The following ZC3H18 variants were observed in gnomAD, a reference collection of about 807,000 sequenced individuals.
The protein encoded by ZC3H18 is zinc finger CCCH-type containing 18.
In ZC3H18, 8 loss-of-function variants were observed where a neutral mutation model predicts 106.1. The observed-to-expected ratio is 0.08, with a 90% CI of 0.04 to 0.14. ZC3H18 has a LOEUF of 0.14. ZC3H18 is among the 10% of genes least tolerant of loss of function. ZC3H18 has a pLI of 1.00. For missense variants in ZC3H18, 1,318 were observed against 1,278.4 expected (o/e 1.03, Z -0.47); for synonymous variants, 635 against 522.1 (o/e 1.22, Z -2.95).
Position 88,624,671 on chromosome 16 carries a change from C to T in ZC3H18, c.1968C>T (p.Val656=), listed in dbSNP as rs540178633. The T allele has an allele frequency of 1.5e-5, 24 of 1,613,966 alleles. No individual in the cohort carries two copies. The highest frequency in any genetic ancestry group is 2.2e-5 in the East Asian group (1 of 44,870). Residue 656 remains valine (V), a synonymous_variant, in exon 12 of 18, where the codon GTC becomes GTT. Transcript: ENST00000301011. Reference sequence around the variant, plus strand: ...AGGCCACCAAAACCACTGCTCCTGTCCCCGAGCCCACCAAGCCAGGAGACC... The same window carrying T: ...AGGCCACCAAAACCACTGCTCCTGTTCCCGAGCCCACCAAGCCAGGAGACC... ...PPQATKTTAP[V]PEPTKPGDPR...
intron 3 of ZC3H18, among the ~76,000 whole-genome samples, chr16:88,586,979 A>G (rs1197225920): frequency 6.6e-6 from 1 of 152,198 alleles, no homozygotes; most frequent in Non-Finnish European, 1.5e-5. Context: ...CCATAACTAT[A>G]ATGCAGATGG....
rs1915451320 is a variant in ZC3H18, at chr16:88,586,642, A to G, written c.646A>G (p.Arg216Gly). The G allele has an allele frequency of 6.2e-7, 1 of 1,614,090 alleles. No homozygotes were observed. The highest frequency in any genetic ancestry group is 8.5e-7 in the Non-Finnish European group (1 of 1,180,048). The change falls in exon 3 of 18, where the codon AGG becomes GGG. Residue 216 changes from arginine to glycine, a missense_variant. Around this residue, in one of 6 missense-constraint regions of ZC3H18, gnomAD observed 30 missense variants for 63.3 expected, o/e 0.47. Coordinates refer to ENST00000301011, the MANE Select transcript of ZC3H18 (RefSeq NM_144604.4). ...EEGEVKDPSDRKVRPRPTCRF... is the reference protein window; with the variant it reads ...EEGEVKDPSDGKVRPRPTCRF... The stretch of plus-strand genomic sequence containing the variant: ...AGGTGAAGTGAAGGACCCCAGTGAC[A>G]GGAAGGTGAGGCCTCGTCCCACCTG...
intron 6 of ZC3H18, among the ~76,000 whole-genome samples, chr16:88,604,745 T>TC (rs1904927898): frequency 6.6e-6 from 1 of 152,140 alleles, no homozygotes; most frequent in East Asian, 1.9e-4. Flanking sequence ...GTGCCCAGAA[T>TC]ATTCTACAAG....
chr16:88,584,670 A>AATG (rs1915332761), intron 2 of ZC3H18, among the ~76,000 whole-genome samples: 1 of 152,170 alleles, frequency 6.6e-6, no homozygotes, highest in Admixed American at 6.5e-5. Flanking sequence ...TTTGGGTTGA[A>AATG]ATGATGTCTC....
At chr16:88,581,728 G>A (rs895377251) in intron 2 of ZC3H18, among the ~76,000 whole-genome samples, 1 of 152,210 alleles carries the variant, frequency 6.6e-6, no homozygotes, top group South Asian at 2.1e-4. Flanking sequence ...CGTCCAAAGA[G>A]TGCGTGGAGC....
chr16:88,624,527 T>A (rs1906174244), intron 11 of ZC3H18, 75 bp from the exon 12 acceptor site: 1 of 1,607,352 alleles, frequency 6.2e-7, no homozygotes, highest in Non-Finnish European at 8.5e-7. Context: ...GAGCTGTGGG[T>A]CCATTGAAAG....
rs1462909236 is a variant in ZC3H18 at position 88,627,447 on chromosome 16, G to C, written c.2109-175G>C. The C allele has an allele frequency of 1.3e-6, 1 of 794,556 alleles. No homozygotes were observed. The highest frequency in any genetic ancestry group is 2.8e-5 in the East Asian group (1 of 36,310). 49.2% of individuals were successfully genotyped at this position (794,556 alleles called of 1,614,324 possible). ...TGAAATGGGGCCCTGGCCTAGCCAT[G>C]GGGACGTCCCTTACTTTGTAACCCT... On this transcript the variant is annotated intron_variant, in intron 13 of 17. Transcript: ENST00000301011. This position sits in a 1 kb window ranked among gnomAD's most constrained non-coding sequence, Gnocchi z 4.5.
intron 2 of ZC3H18, among the ~76,000 whole-genome samples, chr16:88,585,282 T>C (rs188902378): frequency 1.3e-5 from 2 of 152,358 alleles, no homozygotes; most frequent in East Asian, 3.9e-4. Context: ...AGGCAAAAAA[T>C]GATGCAAATA....
intron 2 of ZC3H18, among the ~76,000 whole-genome samples, chr16:88,580,911 C>G (rs749711599): frequency 6.6e-6 from 1 of 152,232 alleles, no homozygotes; most frequent in East Asian, 1.9e-4. Flanking sequence ...GGAAGAATTA[C>G]TCTCTTTGGC....
intron 3 of ZC3H18, among the ~76,000 whole-genome samples, chr16:88,596,154 G>A (rs1047248150): frequency 2.0e-5 from 3 of 152,108 alleles, no homozygotes; most frequent in African/African-American, 7.2e-5. Context: ...CCCCACGCTC[G>A]CCTTCTCAGC....
chr16:88,604,076 C>T (rs1411384703), intron 6 of ZC3H18, among the ~76,000 whole-genome samples: 1 of 152,060 alleles, frequency 6.6e-6, no homozygotes, highest in Non-Finnish European at 1.5e-5. Context: ...TGGCTGGATA[C>T]AGTAGCTAGT....
intron 3 of ZC3H18, chr16:88,587,626 C>G (rs1420337320): frequency 6.5e-7 from 1 of 1,531,736 alleles, no homozygotes; most frequent in Non-Finnish European, 8.7e-7. Context: ...ACAAAATACG[C>G]TATATTCACT....
chr16:88,611,400 C>A lies in ZC3H18; in HGVS notation c.1339C>A (p.Gln447Lys). The change falls in exon 8 of 18, where the codon CAG becomes AAG. Residue 447 changes from glutamine to lysine, a missense_variant. Gln to Lys is a moderately conservative substitution (Grantham distance 53, BLOSUM62 1). This residue lies in a region of ZC3H18 where 848 missense variants were observed against 821.7 expected (regional missense o/e 1.03). Transcript: ENST00000301011. ...GGAGCGCGAGCGCGACAAGGAGCGG[C>A]AGCGGAGGAAGGAGGAGTGGGAGCG... The part of the protein sequence containing the change: ...ERERERDKER[Q>K]RRKEEWERER... The A allele has an allele frequency of 8.1e-7, 1 of 1,231,272 alleles. No homozygotes were observed. The highest frequency in any genetic ancestry group is 1.2e-6 in the Non-Finnish European group (1 of 854,540). 76.3% of individuals were successfully genotyped at this position (1,231,272 alleles called of 1,614,324 possible).
chr16:88,623,929 C>T (rs1334904226), intron 10 of ZC3H18, 29 bp from the exon 11 acceptor site: 2 of 1,585,824 alleles, frequency 1.3e-6, no homozygotes, highest in Non-Finnish European at 1.7e-6. Context: ...CCCCCAGGCC[C>T]CTTCCGACAC....
At chr16:88,580,214 GTATATGTCTCTGCCTGCTGC>G (rs1915040329) in intron 2 of ZC3H18, among the ~76,000 whole-genome samples, 1 of 94,970 alleles carries the variant, frequency 1.1e-5, no homozygotes, top group African/African-American at 3.5e-5. Flanking sequence ...GTGTGTATAT[GTATATGTCTCTGCCTGCTGC>G]TTCCCCTATT....
intron 17 of ZC3H18, 43 bp downstream of exon 17, chr16:88,630,624 C>T (rs768013133): frequency 2.0e-6 from 3 of 1,533,230 alleles, no homozygotes; most frequent in Non-Finnish European, 1.8e-6. Flanking sequence ...CCGAGGGGGC[C>T]AGCCCCAGTC....
At chr16:88,609,471 TG>T in intron 7 of ZC3H18, among the ~76,000 whole-genome samples, 1 of 151,832 alleles carries the variant, frequency 6.6e-6, no homozygotes, top group East Asian at 1.9e-4. Context: ...CTAATTTTTT[TG>T]TATTTTTTTT....
At chr16:88,628,659 C>A in intron 15 of ZC3H18, 99 bp from the exon 16 acceptor site, 1 of 1,286,754 alleles carries the variant, frequency 7.8e-7, no homozygotes, top group Non-Finnish European at 1.1e-6. Context: ...CCTTTGGGAG[C>A]AGAGCAGGTT....
chr16:88,603,791 T>TTTTTA (rs1491085036), intron 6 of ZC3H18, among the ~76,000 whole-genome samples: 10 of 2,872 alleles, frequency 3.5e-3, no homozygotes, highest in Non-Finnish European at 0.016. Flanking sequence ...CCCGGCTAAT[T>TTTTTA]TTTTTTTTTT....
Sources: allele counts gnomAD v4.1 joint callset (sites outside exome capture counted in the v4.1 genomes callset), GRCh38; gene constraint gnomAD v4.1.1; regional missense constraint gnomAD v4.1.1; non-coding constraint Gnocchi (gnomAD v3.1); transcripts MANE v1.5; gene names NCBI Gene and HGNC (gene_info 2026-07-23, HGNC 2026-07-21).